LAMA2: variants seen among roughly 807,000 people sequenced by gnomAD.
LAMA2 encodes the protein laminin subunit alpha-2.
LAMA2 carries 269 observed loss-of-function variants against 364.8 expected under a neutral mutation model. That is an observed-to-expected ratio of 0.74 (90% CI 0.67 to 0.82). The LOEUF (loss-of-function observed/expected upper bound fraction) is 0.82. LAMA2 is among the 40% of genes least tolerant of loss of function. The pLI is 0.00. For missense variants in LAMA2, 3,807 were observed against 3,873.2 expected (o/e 0.98, Z 0.45); for synonymous variants, 1,379 against 1,370.6 (o/e 1.01, Z -0.14).
chr6:129,335,284 A>G (rs1775885870), intron 29 of LAMA2, among the ~76,000 whole-genome samples: 1 of 152,152 alleles, frequency 6.6e-6, no homozygotes, highest in South Asian at 2.1e-4. Flanking sequence ...CCTATGTAAT[A>G]CTGAGTCCAA....
chr6:129,476,199 G>A (rs554317773), intron 53 of LAMA2, among the ~76,000 whole-genome samples: 3 of 152,282 alleles, frequency 2.0e-5, no homozygotes, highest in Admixed American at 6.5e-5. Flanking sequence ...GAGCCCAGCT[G>A]TGCCAGATTT....
chr6:129,356,378 T>A (rs1777154459), intron 32 of LAMA2, among the ~76,000 whole-genome samples: 1 of 152,204 alleles, frequency 6.6e-6, no homozygotes, highest in East Asian at 1.9e-4. Context: ...GGGTTCATCA[T>A]AATAGTAATT....
intron 30 of LAMA2, among the ~76,000 whole-genome samples, chr6:129,344,272 T>C (rs925030560): frequency 1.1e-4 from 17 of 152,082 alleles, no homozygotes; most frequent in African/African-American, 4.1e-4. Context: ...CAGAAGTAGG[T>C]AATAGTAATA....
At chr6:129,385,264 G>T (rs1318094298) in intron 35 of LAMA2, among the ~76,000 whole-genome samples, 1 of 113,656 alleles carries the variant, frequency 8.8e-6, no homozygotes, top group African/African-American at 3.4e-5. Context: ...AGGAAGGGGG[G>T]GAAAGAAGGA....
At chr6:129,331,667 T>C (rs890028056) in intron 29 of LAMA2, among the ~76,000 whole-genome samples, 3 of 152,000 alleles carry the variant, frequency 2.0e-5, no homozygotes, top group Non-Finnish European at 4.4e-5. Flanking sequence ...TTTTTTTCCA[T>C]CTTAAAAGCA....
At chr6:129,263,949 G>T (rs570737317) in intron 15 of LAMA2, among the ~76,000 whole-genome samples, 78 of 152,034 alleles carry the variant, frequency 5.1e-4, no homozygotes, top group African/African-American at 1.9e-3. Flanking sequence ...TCAATATGTT[G>T]CACAGGCTGA....
intron 1 of LAMA2, among the ~76,000 whole-genome samples, chr6:128,951,251 A>T: frequency 6.7e-6 from 1 of 150,256 alleles, no homozygotes; most frequent in African/African-American, 2.5e-5. Flanking sequence ...ATTATTAAAA[A>T]AATAGGGATT....
chr6:128,938,867 T>C (rs1270219113), intron 1 of LAMA2, among the ~76,000 whole-genome samples: 1 of 152,166 alleles, frequency 6.6e-6, no homozygotes, highest in Non-Finnish European at 1.5e-5. Flanking sequence ...TCTTAGTTAA[T>C]GATCCCTGCT....
chr6:129,516,479 TG>T lies in LAMA2; in HGVS notation c.*134del, dbSNP rs1459801690. 4.4e-6 allele frequency: 4 copies of T among 901,092 alleles called. No individual in the cohort carries two copies. In the African/African-American group the frequency reaches 6.6e-5, roughly 15 times the overall value. 55.8% of individuals were successfully genotyped at this position (901,092 alleles called of 1,614,324 possible). On this transcript the variant is annotated 3_prime_UTR_variant, in exon 65 of 65. Coordinates refer to ENST00000421865, the MANE Select transcript of LAMA2 (RefSeq NM_000426.4). ...ACATAGAATTCTTTCTGTATTCAGA[TG>T]GTGCTAATTCAGACTCCAGACTGAA...
At chr6:129,310,758 T>A (rs1255376058) in intron 22 of LAMA2, among the ~76,000 whole-genome samples, 1 of 151,582 alleles carries the variant, frequency 6.6e-6, no homozygotes, top group African/African-American at 2.4e-5. Flanking sequence ...AGTGAAGGAG[T>A]TAAGGGCTAA....
chr6:129,323,345 T>G (rs891596740), intron 28 of LAMA2, among the ~76,000 whole-genome samples: 2 of 152,228 alleles, frequency 1.3e-5, no homozygotes, highest in African/African-American at 4.8e-5. Context: ...GGCTATTTTA[T>G]TTCATGTTTT....
At chr6:129,315,736 C>T (rs764294505) in intron 25 of LAMA2, 26 bp from the exon 26 acceptor site, 1 of 1,612,376 alleles carries the variant, frequency 6.2e-7, no homozygotes, top group South Asian at 1.1e-5. Flanking sequence ...TTATCCAATT[C>T]CTCATTCTTC....
intron 9 of LAMA2, among the ~76,000 whole-genome samples, chr6:129,171,177 T>G (rs973372972): frequency 6.6e-6 from 1 of 151,732 alleles, no homozygotes; most frequent in Non-Finnish European, 1.5e-5. Flanking sequence ...CATTTACATT[T>G]AAAGTTAATA....
chr6:129,203,565 C>T (rs569207269), intron 12 of LAMA2, among the ~76,000 whole-genome samples: 21 of 152,330 alleles, frequency 1.4e-4, no homozygotes, highest in African/African-American at 4.8e-4. Context: ...GAGAGGGCTG[C>T]AACAGCTTAA....
chr6:128,885,742 C>CA, intron 1 of LAMA2, among the ~76,000 whole-genome samples: 1 of 152,256 alleles, frequency 6.6e-6, no homozygotes, highest in Admixed American at 6.5e-5. Flanking sequence ...TTAGATGTTG[C>CA]AGTTGAGTTA....
At chr6:129,477,015 G>A (rs888893235) in intron 53 of LAMA2, among the ~76,000 whole-genome samples, 1 of 152,064 alleles carries the variant, frequency 6.6e-6, no homozygotes, top group South Asian at 2.1e-4. Flanking sequence ...AAAGGAACTT[G>A]GCATCATGGG....
Position 129,244,394 on chromosome 6 carries a change from G to A in LAMA2, c.1783-5718G>A, listed in dbSNP as rs1169952616. Among the ~76,000 whole-genome samples the A allele has an allele frequency of 3.3e-5, 5 of 152,108 alleles. No homozygotes were observed. In the East Asian group the frequency reaches 9.6e-4, roughly 29 times the overall value. On this transcript the variant is annotated intron_variant, in intron 12 of 64. Coordinates refer to ENST00000421865, the MANE Select transcript of LAMA2 (RefSeq NM_000426.4). The stretch of plus-strand genomic sequence containing the variant: ...GATACCTTTTCAGAGTTTAAGGCTC[G>A]CGGGCTTTGGGATCTAAGAAGATGA...
intron 1 of LAMA2, among the ~76,000 whole-genome samples, chr6:128,956,520 T>C (rs954614353): frequency 4.6e-5 from 7 of 152,026 alleles, no homozygotes; most frequent in African/African-American, 7.2e-5. Context: ...GTCAATCAAA[T>C]AGGAGAGATA....
At chr6:128,960,825 T>C (rs1157202375) in intron 1 of LAMA2, among the ~76,000 whole-genome samples, 1 of 152,212 alleles carries the variant, frequency 6.6e-6, no homozygotes, top group Non-Finnish European at 1.5e-5. Flanking sequence ...TCTTGTTTTG[T>C]GCATGCCATA....
Sources: gnomAD v4.1 joint callset for allele counts (sites outside exome capture counted in the v4.1 genomes callset) on GRCh38, gnomAD v4.1.1 for gene constraint, MANE v1.5 for transcripts, NCBI Gene and HGNC (gene_info 2026-07-23, HGNC 2026-07-21) for gene names.